GPC6: variants seen among roughly 807,000 people sequenced by gnomAD.
GPC6 encodes the protein glypican 6.
GPC6 carries 14 observed loss-of-function variants against 55.2 expected under a neutral mutation model. The ratio of observed to expected loss-of-function variants is 0.25; its 90% CI spans 0.17 to 0.40. GPC6 has a LOEUF of 0.40. Ranked by LOEUF, GPC6 falls within the 10% of genes least tolerant of loss-of-function variation. GPC6 has a pLI of 1.00. For synonymous variants in GPC6, 278 were observed against 259.6 expected, an observed-to-expected ratio of 1.07 and a Z score of -0.68; for missense variants, 641 against 708.5, an observed-to-expected ratio of 0.90 and a Z score of 1.08.
chr13:93,363,176 T>C (rs202231020), intron 1 of GPC6, among the ~76,000 whole-genome samples: 47,562 of 147,606 alleles, frequency 0.32, 8,949 homozygotes, highest in East Asian at 0.78. Flanking sequence ...GGTACATGCG[T>C]ACAATGTGCA....
intron 1 of GPC6, among the ~76,000 whole-genome samples, chr13:93,312,647 T>G (rs1879113306): frequency 6.6e-6 from 1 of 152,174 alleles, no homozygotes; most frequent in Non-Finnish European, 1.5e-5. Flanking sequence ...CAAGTCAATA[T>G]GCCTATAGTG....
chr13:93,557,189 A>T (rs1875526665), intron 2 of GPC6, among the ~76,000 whole-genome samples: 1 of 152,206 alleles, frequency 6.6e-6, no homozygotes, highest in Non-Finnish European at 1.5e-5. Context: ...ATAATTATAA[A>T]ATGAAAAGTA....
intron 1 of GPC6, among the ~76,000 whole-genome samples, chr13:93,520,106 G>C (rs940528217): frequency 1.3e-5 from 2 of 151,882 alleles, no homozygotes; most frequent in Non-Finnish European, 2.9e-5. Context: ...GGCCAACTGG[G>C]TTGGCTCTAG....
intron 1 of GPC6, among the ~76,000 whole-genome samples, chr13:93,423,337 A>G (rs141723818): frequency 6.6e-6 from 1 of 152,322 alleles, no homozygotes; most frequent in East Asian, 1.9e-4. Context: ...AGAAAGAGCT[A>G]AAAATATCTT....
intron 1 of GPC6, among the ~76,000 whole-genome samples, chr13:93,263,349 T>G (rs1034465588): frequency 6.6e-6 from 1 of 151,986 alleles, no homozygotes; most frequent in African/African-American, 2.4e-5. Context: ...TTGTTGTTTG[T>G]TTTTTGTTTT....
intron 2 of GPC6, among the ~76,000 whole-genome samples, chr13:93,604,794 G>T (rs1433201102): frequency 6.6e-6 from 1 of 152,116 alleles, no homozygotes; most frequent in Non-Finnish European, 1.5e-5. Flanking sequence ...TGAGCATCCA[G>T]CCTTAGCACA....
At chr13:93,258,565 A>G (rs1331442807) in intron 1 of GPC6, among the ~76,000 whole-genome samples, 2 of 152,142 alleles carry the variant, frequency 1.3e-5, no homozygotes, top group African/African-American at 4.8e-5. Flanking sequence ...TAAATTAGCC[A>G]TAATTAGTTT....
intron 4 of GPC6, among the ~76,000 whole-genome samples, chr13:94,255,585 A>G (rs972232754): frequency 5.9e-5 from 9 of 151,904 alleles, no homozygotes; most frequent in African/African-American, 4.8e-5. Flanking sequence ...CTCTTTTTCT[A>G]TCTAAGGGAC....
chr13:93,845,999 A>C (rs995438457), intron 3 of GPC6, among the ~76,000 whole-genome samples: 2 of 152,066 alleles, frequency 1.3e-5, no homozygotes, highest in African/African-American at 4.8e-5. Context: ...ATAAATAAAT[A>C]AATAAATAAA....
chr13:94,097,177 TAAAAC>T (rs1885690663), intron 4 of GPC6, among the ~76,000 whole-genome samples: 1 of 151,828 alleles, frequency 6.6e-6, no homozygotes, highest in African/African-American at 2.4e-5. Context: ...TTAAAAACAA[TAAAAC>T]AATGTACAAA....
At chr13:93,973,937 A>G (rs367613642) in intron 3 of GPC6, among the ~76,000 whole-genome samples, 2 of 152,192 alleles carry the variant, frequency 1.3e-5, no homozygotes. Flanking sequence ...CAGACAGAGT[A>G]GTACGTTTCT....
intron 4 of GPC6, among the ~76,000 whole-genome samples, chr13:94,281,577 T>TA (rs1159987595): frequency 6.6e-6 from 1 of 152,214 alleles, no homozygotes; most frequent in Non-Finnish European, 1.5e-5. Flanking sequence ...TGTATAATCA[T>TA]ATTGAGTCAC....
intron 4 of GPC6, among the ~76,000 whole-genome samples, chr13:94,031,548 C>T (rs551785422): frequency 5.3e-5 from 8 of 151,720 alleles, no homozygotes; most frequent in Admixed American, 4.6e-4. Flanking sequence ...CTATGCAGTG[C>T]GGTAGGAGAA....
chr13:93,476,093 A>C (rs1265886405), intron 1 of GPC6, among the ~76,000 whole-genome samples: 1 of 152,186 alleles, frequency 6.6e-6, no homozygotes, highest in African/African-American at 2.4e-5. Flanking sequence ...TTTATGGGAA[A>C]ATCAATTCAA....
intron 1 of GPC6, among the ~76,000 whole-genome samples, chr13:93,382,921 T>A (rs1200978803): frequency 1.3e-5 from 2 of 152,160 alleles, no homozygotes; most frequent in Non-Finnish European, 2.9e-5. Context: ...AGTCCTTCAC[T>A]CTCTTCTGCC....
intron 1 of GPC6, among the ~76,000 whole-genome samples, chr13:93,281,714 G>C (rs1349364263): frequency 6.6e-6 from 1 of 152,182 alleles, no homozygotes; most frequent in African/African-American, 2.4e-5. Flanking sequence ...CTACTTGGGA[G>C]GCTGAGGCAG....
intron 4 of GPC6, among the ~76,000 whole-genome samples, chr13:94,251,477 C>T (rs1161586028): frequency 7.9e-6 from 1 of 126,042 alleles, no homozygotes; most frequent in African/African-American, 3.1e-5. Flanking sequence ...AAAAAAAAAA[C>T]ACGGACTGGT....
chr13:93,640,093 A>T (rs1879849941), intron 2 of GPC6, among the ~76,000 whole-genome samples: 1 of 152,146 alleles, frequency 6.6e-6, no homozygotes, highest in Non-Finnish European at 1.5e-5. Context: ...AAAATTAAAA[A>T]TATCTTTATA....
At chr13:93,826,655 G>A (rs868792803) in intron 2 of GPC6, among the ~76,000 whole-genome samples, 1 of 152,182 alleles carries the variant, frequency 6.6e-6, no homozygotes, top group African/African-American at 2.4e-5. Context: ...GCTGTGTGAT[G>A]TAGACTGTAG....
Sources: gnomAD v4.1 joint callset for allele counts (sites outside exome capture counted in the v4.1 genomes callset) on GRCh38, gnomAD v4.1.1 for gene constraint, MANE v1.5 for transcripts, NCBI Gene and HGNC (gene_info 2026-07-23, HGNC 2026-07-21) for gene names.